Variants in SEMA6D observed in about 807,000 individuals in gnomAD.
SEMA6D encodes semaphorin-6D.
SEMA6D carries 35 observed loss-of-function variants against 106.6 expected under a neutral mutation model. The observed-to-expected ratio is 0.33, with a 90% CI of 0.25 to 0.44. The LOEUF (loss-of-function observed/expected upper bound fraction) is 0.44, where lower values mean the gene tolerates loss of function less well. SEMA6D is among the 20% of genes least tolerant of loss of function. The probability of loss-of-function intolerance (pLI) is 1.00; values close to 1 mark genes in which losing one functional copy is unlikely to be tolerated. For missense variants in SEMA6D, 1,185 were observed against 1,345.9 expected, an observed-to-expected ratio of 0.88 and a Z score of 1.87; for synonymous variants, 499 against 487.7, an observed-to-expected ratio of 1.02 and a Z score of -0.31.
At chr15:47,556,558 A>G (rs1215434073) in intron 3 of SEMA6D, among the ~76,000 whole-genome samples, 1 of 151,634 alleles carries the variant, frequency 6.6e-6, no homozygotes, top group African/African-American at 2.4e-5. Flanking sequence ...CCTTCCTAGT[A>G]TTTTTTTCTA....
chr15:47,669,176 T>C (rs2078091778), intron 4 of SEMA6D, among the ~76,000 whole-genome samples: 1 of 152,332 alleles, frequency 6.6e-6, no homozygotes, highest in Admixed American at 6.5e-5. Flanking sequence ...GACATTTTTA[T>C]AGTACCACTT....
intron 1 of SEMA6D, among the ~76,000 whole-genome samples, chr15:47,228,185 A>G (rs1436043121): frequency 1.6e-5 from 2 of 126,302 alleles, no homozygotes; most frequent in Non-Finnish European, 3.5e-5. Flanking sequence ...ACCTTTTGTT[A>G]CTTTAACTTA....
intron 1 of SEMA6D, among the ~76,000 whole-genome samples, chr15:47,368,523 T>A (rs1457566095): frequency 6.6e-6 from 1 of 152,070 alleles, no homozygotes; most frequent in African/African-American, 2.4e-5. Context: ...CAGGCTGGAG[T>A]GCAGTGGCGG....
At chr15:47,184,908 T>C (rs1468058924) in intron 1 of SEMA6D, among the ~76,000 whole-genome samples, 1 of 152,190 alleles carries the variant, frequency 6.6e-6, no homozygotes, top group Non-Finnish European at 1.5e-5. Context: ...CGGCATCTAA[T>C]TGGTGGGTGC....
chr15:47,575,150 A>G (rs1327535475), intron 3 of SEMA6D, among the ~76,000 whole-genome samples: 1 of 152,226 alleles, frequency 6.6e-6, no homozygotes, highest in Non-Finnish European at 1.5e-5. Flanking sequence ...ACTCATTGAA[A>G]CAAATTAATC....
intron 1 of SEMA6D, among the ~76,000 whole-genome samples, chr15:47,249,184 T>C (rs2141893697): frequency 6.6e-6 from 1 of 152,244 alleles, no homozygotes; most frequent in African/African-American, 2.4e-5. Flanking sequence ...GCCAAGATCA[T>C]GCAACTGCAC....
At chr15:47,503,504 G>A (rs1053357229) in intron 3 of SEMA6D, among the ~76,000 whole-genome samples, 2 of 152,108 alleles carry the variant, frequency 1.3e-5, no homozygotes, top group South Asian at 2.1e-4. Context: ...CTGTAAAATG[G>A]GACTGGTAAG....
chr15:47,364,985 A>G (rs927935950), intron 1 of SEMA6D, among the ~76,000 whole-genome samples: 3 of 152,212 alleles, frequency 2.0e-5, no homozygotes, highest in Admixed American at 6.5e-5. Flanking sequence ...TCTCCACAGC[A>G]TCCATCAAGT....
intron 1 of SEMA6D, among the ~76,000 whole-genome samples, chr15:47,754,764 C>G (rs189196537): frequency 6.6e-6 from 1 of 150,710 alleles, no homozygotes; most frequent in Non-Finnish European, 1.5e-5. Flanking sequence ...TATGTTAATT[C>G]TTTCACAAAA....
intron 15 of SEMA6D, 104 bp downstream of exon 15, chr15:47,766,286 TG>T (rs201927940): frequency 0.042 from 35,024 of 830,962 alleles, 48 homozygotes; most frequent in East Asian, 0.081. Context: ...TCTTTTTTTT[TG>T]TTGTTATGGG....
intron 1 of SEMA6D, among the ~76,000 whole-genome samples, chr15:47,739,542 A>G (rs1169442861): frequency 6.6e-6 from 1 of 152,178 alleles, no homozygotes; most frequent in Non-Finnish European, 1.5e-5. Flanking sequence ...CATGTGATAC[A>G]TCTCAAGAAG....
chr15:47,516,370 C>T (rs1322878512), intron 3 of SEMA6D, among the ~76,000 whole-genome samples: 1 of 152,124 alleles, frequency 6.6e-6, no homozygotes, highest in East Asian at 1.9e-4. Flanking sequence ...TGTCTATTTG[C>T]TCCCAAAAGA....
At chr15:47,253,973 T>C (rs968332950) in intron 1 of SEMA6D, among the ~76,000 whole-genome samples, 1 of 152,106 alleles carries the variant, frequency 6.6e-6, no homozygotes, top group East Asian at 1.9e-4. Flanking sequence ...ATTAATTCTT[T>C]CAATCATTGA....
chr15:47,643,637 G>A (rs1247267375), intron 4 of SEMA6D, among the ~76,000 whole-genome samples: 1 of 152,114 alleles, frequency 6.6e-6, no homozygotes, highest in African/African-American at 2.4e-5. Flanking sequence ...TTATTGACAG[G>A]CAGTAGTCGT....
At chr15:47,672,916 G>A (rs1470670811) in intron 4 of SEMA6D, among the ~76,000 whole-genome samples, 1 of 152,152 alleles carries the variant, frequency 6.6e-6, no homozygotes, top group Non-Finnish European at 1.5e-5. Context: ...CAAATTGGTT[G>A]GGTTACCCAA....
At chr15:47,500,934 C>T (rs1567124162) in intron 3 of SEMA6D, among the ~76,000 whole-genome samples, 1 of 151,986 alleles carries the variant, frequency 6.6e-6, no homozygotes, top group Non-Finnish European at 1.5e-5. Flanking sequence ...AACACATATG[C>T]CTCGGTTTCT....
chr15:47,340,287 C>G (rs1232642710), intron 1 of SEMA6D, among the ~76,000 whole-genome samples: 1 of 151,922 alleles, frequency 6.6e-6, no homozygotes, highest in Non-Finnish European at 1.5e-5. Context: ...CCATGTAAAC[C>G]ATTCTTCAGA....
chr15:47,501,549 G>T (rs148508215), intron 3 of SEMA6D, among the ~76,000 whole-genome samples: 10 of 152,270 alleles, frequency 6.6e-5, no homozygotes, highest in African/African-American at 1.7e-4. Context: ...TTAAGGTCTA[G>T]TTCAGAAACT....
At chr15:47,360,310 T>G (rs1002637431) in intron 1 of SEMA6D, among the ~76,000 whole-genome samples, 1 of 152,220 alleles carries the variant, frequency 6.6e-6, no homozygotes, top group South Asian at 2.1e-4. Context: ...TGAGCCTGCA[T>G]AGCAGATAAG....
Sources: gnomAD v4.1 joint callset for allele counts (sites outside exome capture counted in the v4.1 genomes callset) on GRCh38, gnomAD v4.1.1 for gene constraint, MANE v1.5 for transcripts, NCBI Gene and HGNC (gene_info 2026-07-23, HGNC 2026-07-21) for gene names.